Variants in ZNF331 observed in about 807,000 individuals in gnomAD.
ZNF331 encodes the protein C2H2-like zinc finger protein rearranged in thyroid adenomas.
A neutral mutation model predicts 7.0 loss-of-function variants in ZNF331; 2 were observed. The observed-to-expected ratio is 0.29, with a 90% CI of 0.12 to 0.90. ZNF331 has a LOEUF of 0.90. ZNF331 is among the 40% of genes least tolerant of loss of function. The pLI is 0.58. For missense variants in ZNF331, 432 were observed against 587.7 expected, an observed-to-expected ratio of 0.74 and a Z score of 2.74; for synonymous variants, 196 against 205.4, an observed-to-expected ratio of 0.95 and a Z score of 0.39.
At chr19:53,519,839 G>A (rs532876016), upstream of ZNF331, among the ~76,000 whole-genome samples, 27 of 152,224 alleles carry the variant, frequency 1.8e-4, 1 homozygote, top group Admixed American at 6.5e-4. Context: ...TCTACTGGGG[G>A]GTGGGGGAAA....
At chr19:53,569,032 A>T (rs2090310855) in intron 3 of ZNF331, among the ~76,000 whole-genome samples, 1 of 151,676 alleles carries the variant, frequency 6.6e-6, no homozygotes, top group Admixed American at 6.6e-5. Context: ...AATTTTTTGT[A>T]TTTTTAGTAG....
At chr19:53,569,199 T>G (rs1220033323) in intron 3 of ZNF331, 105 bp from the exon 4 acceptor site, 3 of 623,548 alleles carry the variant, frequency 4.8e-6, no homozygotes, top group Non-Finnish European at 8.6e-6. Context: ...GTCACGGTTA[T>G]GTGTTTGTGT....
At chr19:53,541,071 TGA>T in intron 2 of ZNF331, among the ~76,000 whole-genome samples, 1 of 152,046 alleles carries the variant, frequency 6.6e-6, no homozygotes, top group Non-Finnish European at 1.5e-5. Context: ...TTGACATGTT[TGA>T]GAGAGGCAAC....
upstream of ZNF331, among the ~76,000 whole-genome samples, chr19:53,518,565 T>A (rs34080275): frequency 0.24 from 35,782 of 152,186 alleles, 4,373 homozygotes; most frequent in Middle Eastern, 0.28. Context: ...CTTCACTTGG[T>A]AGTCAGAGCC....
Position 53,576,856 on chromosome 19 carries a change from A to G in ZNF331, c.296A>G (p.Tyr99Cys), listed in dbSNP as rs1387980508. 6.2e-7 allele frequency: 1 copy of G among 1,614,196 alleles called. No homozygotes were observed. ...AGACCACAGCGCTCCAGAGGGAGGT[A>G]TGTCAATCAGATGATCATCAATTAT... ...LERPQRSRGR[Y>C]VNQMIINYVK... is the part of the protein sequence containing the mutation. The change falls in exon 6 of 6, where the codon TAT (tyrosine) becomes TGT (cysteine). Residue 99 changes from tyrosine (Y) to cysteine (C), a missense_variant. Coordinates refer to ENST00000449416, the MANE Select transcript of ZNF331 (RefSeq NM_001079906.2).
At chr19:53,537,053 A>C (rs1178089828), upstream of ZNF331, among the ~76,000 whole-genome samples, 1 of 152,208 alleles carries the variant, frequency 6.6e-6, no homozygotes, top group East Asian at 1.9e-4. Context: ...AGATCTCTCA[A>C]TTTTATTTCT....
chr19:53,520,413 T>G (rs1358600031), upstream of ZNF331, among the ~76,000 whole-genome samples: 1 of 152,122 alleles, frequency 6.6e-6, no homozygotes, highest in Non-Finnish European at 1.5e-5. Flanking sequence ...AAATGCAAGT[T>G]GTAAGCAATT....
upstream of ZNF331, among the ~76,000 whole-genome samples, chr19:53,517,744 C>T (rs1364264245): frequency 1.3e-5 from 2 of 152,156 alleles, no homozygotes; most frequent in African/African-American, 4.8e-5. Flanking sequence ...TGGCTCAGTC[C>T]AAGTCCAGAA....
In ZNF331 at chr19:53,557,650, A is replaced by G. The variant is rs576502500; in HGVS notation, c.-74+1742A>G. 5.4e-4 allele frequency among the ~76,000 whole-genome samples: 82 copies of G among 152,272 alleles called. No individual in the cohort carries two copies. In the Middle Eastern group the frequency reaches 0.031, roughly 57 times the overall value. On this transcript the variant is annotated intron_variant, in intron 3 of 5. Transcript: ENST00000449416. Reference sequence around the variant, plus strand: ...CTCATTTTTCTTCTCTCACACCACAACGATAATCAACACAGAAAACTTTGT... The same window carrying G: ...CTCATTTTTCTTCTCTCACACCACAGCGATAATCAACACAGAAAACTTTGT...
At chr19:53,515,005 A>G (rs1432516014), upstream of ZNF331, among the ~76,000 whole-genome samples, 3 of 152,180 alleles carry the variant, frequency 2.0e-5, no homozygotes, top group Non-Finnish European at 2.9e-5. Flanking sequence ...CAAATTAGAA[A>G]TTACATCCTC....
chr19:53,558,300 A>AC lies in ZNF331; in HGVS notation c.-74+2393dup, dbSNP rs2089561813. Reference sequence around the variant, plus strand: ...ACAGCCAGATGAAGAGATATGTAGGACTAGGGTTGGAAGAGTCCCAAGCAC... The same window carrying AC: ...ACAGCCAGATGAAGAGATATGTAGGACCTAGGGTTGGAAGAGTCCCAAGCAC... On this transcript the variant is annotated intron_variant, in intron 3 of 5. Transcript: ENST00000449416. The surrounding 1 kb of genome is among the most constrained non-coding windows in gnomAD (Gnocchi z 4.5). Among the ~76,000 whole-genome samples, 2 of 152,176 alleles carry AC rather than the reference A, an allele frequency of 1.3e-5. No homozygotes were observed.
At chr19:53,547,155 A>C (rs1479153143) in intron 2 of ZNF331, among the ~76,000 whole-genome samples, 1 of 152,116 alleles carries the variant, frequency 6.6e-6, no homozygotes, top group Non-Finnish European at 1.5e-5. Flanking sequence ...CTAGACAATA[A>C]ATCTCCAGAA....
Position 53,541,817 on chromosome 19 carries a change from G to A in ZNF331, c.-138+2535G>A, listed in dbSNP as rs2088197200. 5.9e-5 allele frequency among the ~76,000 whole-genome samples: 9 copies of A among 152,150 alleles called. 1 individual carries two copies. In the South Asian group the frequency reaches 1.7e-3, roughly 28 times the overall value. On this transcript the variant is annotated intron_variant, in intron 2 of 5. Transcript: ENST00000449416. ...AGGCCAGGAGTCTGAGACCAGCCTG[G>A]GCAACAGTGAGACTCCATCTCTACT...
At position 53,578,846 on chromosome 19, in the gene ZNF331, G is replaced by A; in HGVS notation, c.*894G>A. 1 of 188,460 alleles carries A rather than the reference G, an allele frequency of 5.3e-6. No individual in the cohort carries two copies. Among genetic ancestry groups the A allele is most frequent in the Non-Finnish European group, 1.1e-5 (1 of 89,646 alleles). 11.7% of individuals were successfully genotyped at this position (188,460 alleles called of 1,614,324 possible). A position where few individuals can be genotyped will look rare whatever the true frequency, so the allele number is the denominator to read the frequency against. On this transcript the variant is annotated 3_prime_UTR_variant, in exon 6 of 6. Transcript: ENST00000449416. ...GAGACAGAGTCTCACTCTTGCCCAGGCTGGAGTGCAGTGGCACGGTCTTGG... is the reference window on the plus strand; with the variant it reads ...GAGACAGAGTCTCACTCTTGCCCAGACTGGAGTGCAGTGGCACGGTCTTGG...
intron 3 of ZNF331, among the ~76,000 whole-genome samples, chr19:53,565,316 A>C (rs747870727): frequency 6.6e-6 from 1 of 152,110 alleles, no homozygotes; most frequent in Non-Finnish European, 1.5e-5. Flanking sequence ...TGTTGGGATA[A>C]ATGGAATTTA....
At chr19:53,521,787 G>C (rs1036608234) in exon 1 of ZNF331, 1 of 152,756 alleles carries the variant, frequency 6.5e-6, no homozygotes, top group Non-Finnish European at 1.5e-5. Context: ...GACTGGTCGG[G>C]ATCGGGCCTG....
intron 3 of ZNF331, among the ~76,000 whole-genome samples, chr19:53,557,029 A>G (rs1283158186): frequency 1.6e-5 from 2 of 125,024 alleles, no homozygotes; most frequent in Non-Finnish European, 1.6e-5. Flanking sequence ...CATGTTGCCC[A>G]GGCTGGTCGT....
At chr19:53,542,026 T>C (rs1316747597) in intron 2 of ZNF331, among the ~76,000 whole-genome samples, 1 of 151,816 alleles carries the variant, frequency 6.6e-6, no homozygotes, top group African/African-American at 2.4e-5. Context: ...GAAAAAAACA[T>C]CTGAAATGGT....
upstream of ZNF331, among the ~76,000 whole-genome samples, chr19:53,519,929 C>T (rs2087003630): frequency 6.6e-6 from 1 of 152,156 alleles, no homozygotes; most frequent in African/African-American, 2.4e-5. Context: ...CAGCTCGGGG[C>T]TGTATTTCCA....
Sources: allele counts gnomAD v4.1 joint callset (sites outside exome capture counted in the v4.1 genomes callset), GRCh38; gene constraint gnomAD v4.1.1; non-coding constraint Gnocchi (gnomAD v3.1); transcripts MANE v1.5; gene names NCBI Gene and HGNC (gene_info 2026-07-23, HGNC 2026-07-21).